The following VWA5B1 variants were observed in gnomAD, a reference collection of about 807,000 sequenced individuals.
VWA5B1 encodes von Willebrand factor A domain-containing protein 5B1.
Under a neutral mutation model 118.2 loss-of-function variants are expected in VWA5B1, and 115 were observed. That is an observed-to-expected ratio of 0.97 (90% confidence interval 0.84 to 1.14). The LOEUF is 1.14. VWA5B1 is among the 50% of genes most tolerant of loss of function. The probability of loss-of-function intolerance (pLI) is 0.00; values close to 1 mark genes in which losing one functional copy is unlikely to be tolerated. For missense variants in VWA5B1, 1,596 were observed against 1,603.8 expected, an observed-to-expected ratio of 1.00 and a Z score of 0.08; for synonymous variants, 682 against 658.4, an observed-to-expected ratio of 1.04 and a Z score of -0.55.
chr1:20,343,480 C>A (rs1305007636), intron 16 of VWA5B1, 87 bp downstream of exon 16: 2 of 1,442,522 alleles, frequency 1.4e-6, no homozygotes, highest in Non-Finnish European at 9.1e-7. Flanking sequence ...CCCACCCGCC[C>A]CCGGTGATCC....
intron 1 of VWA5B1, chr1:20,302,992 A>C (rs141308316): frequency 6.6e-5 from 10 of 152,296 alleles, no homozygotes; most frequent in African/African-American, 2.2e-4. Context: ...GGGGAGGTTT[A>C]GAGGAAAGAG....
Position 20,350,218 on chromosome 1 carries a change from G to T in VWA5B1, c.2941G>T (p.Gly981Cys), listed in dbSNP as rs944527839. ...EARSPGREKH[G>C]ASEGPQRSLA... ...CAGGTCCCCCGGCCGCGAGAAGCAC[G>T]GTGCTTCTGAAGGTGAGTGGGCAGG... Residue 981 changes from glycine (G) to cysteine (C), a missense_variant, in exon 19 of 22, where the codon GGT becomes TGT. Gly to Cys is a radical substitution (Grantham distance 159). Coordinates refer to ENST00000289815, the MANE Select transcript of VWA5B1 (RefSeq NM_001039500.3). The T allele has an allele frequency of 6.4e-7, 1 of 1,551,084 alleles. No homozygotes were observed. Among genetic ancestry groups the T allele is most frequent in the Non-Finnish European group, 8.7e-7 (1 of 1,146,988 alleles).
chr1:20,343,827 G>T (rs190882838), intron 16 of VWA5B1, among the ~76,000 whole-genome samples: 948 of 35,592 alleles, frequency 0.027, 70 homozygotes, highest in African/African-American at 0.12. Flanking sequence ...CGCCCCCTCC[G>T]CACAGCCCCG....
At position 20,334,719 on chromosome 1, in the gene VWA5B1, G is replaced by A. The variant is rs186705104; in HGVS notation, c.1759-1584G>A. On this transcript the variant is annotated intron_variant, in intron 12 of 21. Coordinates refer to ENST00000289815, the MANE Select transcript of VWA5B1 (RefSeq NM_001039500.3). ...CCAGCTACTCGGGAGGCTGAGGCAG[G>A]AGAATCACTTGAACCCGGAAGACAG... is the stretch of plus-strand genomic sequence containing the variant. Among the ~76,000 whole-genome samples the A allele has an allele frequency of 5.6e-3, 849 of 152,220 alleles. 8 individuals carry two copies. Among genetic ancestry groups the A allele is most frequent in the Non-Finnish European group, 9.3e-3 (633 of 68,016 alleles).
At chr1:20,304,165 C>T (rs1318923476) in intron 1 of VWA5B1, among the ~76,000 whole-genome samples, 1 of 152,154 alleles carries the variant, frequency 6.6e-6, no homozygotes, top group Non-Finnish European at 1.5e-5. Context: ...AAGTTAAAGC[C>T]ATTGCAGATG....
intron 14 of VWA5B1, chr1:20,338,290 C>T (rs567640827): frequency 1.1e-4 from 37 of 348,128 alleles, no homozygotes; most frequent in Middle Eastern, 1.0e-3. Flanking sequence ...CATTAGATTG[C>T]ACCTCCTACA....
intron 1 of VWA5B1, 23 bp from the exon 2 acceptor site, chr1:20,310,553 C>A (rs926100195): frequency 1.4e-6 from 2 of 1,467,114 alleles, no homozygotes; most frequent in Non-Finnish European, 1.8e-6. Context: ...CTTCCCACTT[C>A]CTGCCCTTCC....
chr1:20,330,346 T>C lies in VWA5B1; in HGVS notation c.1421T>C (p.Val474Ala). 6.4e-7 allele frequency: 1 copy of C among 1,551,734 alleles called. No individual in the cohort carries two copies. The highest frequency in any genetic ancestry group is 8.7e-7 in the Non-Finnish European group (1 of 1,146,996). ...GGCGCTGTCAACAACACAGGGAAGG[T>C]GCTGGAGCTGGTGCGAAATCACGCC... ...TDGAVNNTGK[V>A]LELVRNHAFS... Residue 474 changes from valine to alanine, a missense_variant, in exon 10 of 22, where the codon GTG becomes GCG. By Grantham distance (64) the Val-to-Ala change is moderately conservative (BLOSUM62 0). Transcript: ENST00000289815.
Position 20,331,794 on chromosome 1 carries a change from G to A in VWA5B1, c.1572+811G>A, listed in dbSNP as rs76639916. Among the ~76,000 whole-genome samples, 538 of 152,062 alleles carry A rather than the reference G, an allele frequency of 3.5e-3. 18 individuals carry two copies. In the East Asian group the frequency reaches 0.087, roughly 25 times the overall value. On this transcript the variant is annotated intron_variant, in intron 11 of 21. Transcript: ENST00000289815. ...CTGCATCTGGAAGCTGTCACCTAAC[G>A]GCATTTCTTGCAGCAAGAAGGCATG...
rs1472994609 is a variant in VWA5B1 at position 20,357,703 on chromosome 1, C to T, written c.*3440C>T. On this transcript the variant is annotated 3_prime_UTR_variant, in exon 22 of 22. Transcript: ENST00000289815. ...CTGTTTCATGAATCATTTTCCCACTCCTTGGTTCTCTAGGTGGGTTTGTCT... is the reference window on the plus strand; with the variant it reads ...CTGTTTCATGAATCATTTTCCCACTTCTTGGTTCTCTAGGTGGGTTTGTCT... 1.3e-5 allele frequency among the ~76,000 whole-genome samples: 2 copies of T among 152,172 alleles called. No individual in the cohort carries two copies. Among genetic ancestry groups the T allele is most frequent in the African/African-American group, 4.8e-5 (2 of 41,438 alleles).
intron 13 of VWA5B1, 90 bp downstream of exon 13, chr1:20,336,576 G>A (rs2089724249): frequency 1.6e-6 from 2 of 1,265,740 alleles, no homozygotes; most frequent in Non-Finnish European, 2.0e-6. Flanking sequence ...TGAATAGTTA[G>A]CAGCTGCAGA....
At chr1:20,296,249 G>T (rs2088404531) in intron 1 of VWA5B1, among the ~76,000 whole-genome samples, 1 of 152,218 alleles carries the variant, frequency 6.6e-6, no homozygotes, top group African/African-American at 2.4e-5. Context: ...ATAAATGTCT[G>T]TTCTTGCTCA....
At chr1:20,314,252 C>T in intron 3 of VWA5B1, 70 bp from the exon 4 acceptor site, 1 of 1,485,800 alleles carries the variant, frequency 6.7e-7, no homozygotes, top group Non-Finnish European at 9.1e-7. Context: ...CTCACACTTA[C>T]CACAACAGCA....
intron 8 of VWA5B1, among the ~76,000 whole-genome samples, chr1:20,326,775 A>G (rs2089398811): frequency 6.6e-6 from 1 of 152,122 alleles, no homozygotes; most frequent in Non-Finnish European, 1.5e-5. Context: ...AGCCTCTGTC[A>G]TTAGTCTTAG....
Position 20,350,863 on chromosome 1 carries a change from A to G in VWA5B1, c.2960A>G (p.Gln987Arg), listed in dbSNP as rs913328203. The change falls in exon 20 of 22, where the codon CAG becomes CGG. Residue 987 changes from glutamine to arginine, a missense_variant. By Grantham distance (43) the Gln-to-Arg change is conservative. Coordinates refer to ENST00000289815, the MANE Select transcript of VWA5B1 (RefSeq NM_001039500.3). ...TCATTCTGTGGCTCTCCAGGTCCCC[A>G]GCGCAGCCTGGCTACAAATACTCTT... ...REKHGASEGP[Q>R]RSLATNTLSS... is the part of the protein sequence containing the mutation. 2.6e-6 allele frequency: 4 copies of G among 1,551,866 alleles called. No homozygotes were observed. In the Admixed American group the frequency reaches 7.8e-5, roughly 30 times the overall value.
chr1:20,337,534 A>C, intron 13 of VWA5B1, 112 bp from the exon 14 acceptor site: 3 of 1,239,548 alleles, frequency 2.4e-6, no homozygotes, highest in Non-Finnish European at 3.3e-6. Context: ...CATATATTTC[A>C]GTAGGCAAGA....
chr1:20,308,581 T>C (rs1442221909), intron 1 of VWA5B1, among the ~76,000 whole-genome samples: 3 of 152,126 alleles, frequency 2.0e-5, no homozygotes, highest in Non-Finnish European at 4.4e-5. Flanking sequence ...CCCCACCCCC[T>C]TGAAGTTGCC....
Position 20,336,415 on chromosome 1 carries a change from C to T in VWA5B1, c.1871C>T (p.Ser624Leu), listed in dbSNP as rs554490942. Residue 624 changes from serine to leucine, a missense_variant, in exon 13 of 22, where the codon TCG becomes TTG. By Grantham distance (145) the Ser-to-Leu change is moderately radical. Transcript: ENST00000289815. The part of the protein sequence containing the change: ...GLEGGDCAKN[S>L]GAPFILGQAK... ...GAAGGTGGAGACTGTGCCAAGAACTCGGGGGCACCCTTCATCCTAGGGCAG... is the reference window on the plus strand; with the variant it reads ...GAAGGTGGAGACTGTGCCAAGAACTTGGGGGCACCCTTCATCCTAGGGCAG... 39 of 1,522,320 alleles carry T rather than the reference C, an allele frequency of 2.6e-5. No homozygotes were observed. The highest frequency in any genetic ancestry group is 3.3e-5 in the Non-Finnish European group (37 of 1,131,790). 94.3% of individuals were successfully genotyped at this position (1,522,320 alleles called of 1,614,324 possible).
chr1:20,298,389 C>T (rs1217138738), intron 1 of VWA5B1, among the ~76,000 whole-genome samples: 1 of 152,004 alleles, frequency 6.6e-6, no homozygotes, highest in African/African-American at 2.4e-5. Flanking sequence ...TAATCCTTTC[C>T]TTTGAATTCT....
Sources: gnomAD v4.1 joint callset for allele counts (sites outside exome capture counted in the v4.1 genomes callset) on GRCh38, gnomAD v4.1.1 for gene constraint, MANE v1.5 for transcripts, NCBI Gene and HGNC (gene_info 2026-07-23, HGNC 2026-07-21) for gene names.